Variants in LARGE1 observed in about 807,000 individuals in gnomAD.
LARGE1 encodes LARGE xylosyl- and glucuronyltransferase 1, also known as xylosyl- and glucuronyltransferase LARGE1.
A neutral mutation model predicts 87.6 loss-of-function variants in LARGE1; 43 were observed. The ratio of observed to expected loss-of-function variants is 0.49; its 90% CI spans 0.38 to 0.63. The LOEUF (loss-of-function observed/expected upper bound fraction) is 0.63. LARGE1 is among the 30% of genes least tolerant of loss of function. LARGE1 has a pLI of 0.00. For missense variants in LARGE1, 802 were observed against 1,000.2 expected (o/e 0.80, Z 2.67); for synonymous variants, 434 against 394.6 (o/e 1.10, Z -1.18).
At chr22:33,708,834 C>T (rs1018049674) in intron 2 of LARGE1, among the ~76,000 whole-genome samples, 20 of 152,094 alleles carry the variant, frequency 1.3e-4, no homozygotes, top group Admixed American at 6.5e-5. Flanking sequence ...CTCCTGACCT[C>T]GTGATCCGCC....
intron 11 of LARGE1, among the ~76,000 whole-genome samples, chr22:33,311,420 T>G (rs1935577046): frequency 6.6e-6 from 1 of 152,230 alleles, no homozygotes; most frequent in Non-Finnish European, 1.5e-5. Context: ...AACATGTTTG[T>G]TCTACTTGTT....
chr22:33,075,595 G>A, the LARGE1 span, among the ~76,000 whole-genome samples: 3 of 152,178 alleles, frequency 2.0e-5, no homozygotes, highest in Admixed American at 6.5e-5. Context: ...TACATAGCTA[G>A]TAGGTGGTAG....
chr22:33,893,888 A>G lies in LARGE1; in HGVS notation c.-83+26107T>C, dbSNP rs1468272892. ...TTATTAAGGCCCGCTGAACGTCACA[A>G]GTCTCACAGGGCACCTCCGCCCCTT... is the stretch of plus-strand genomic sequence containing the variant. On this transcript the variant is annotated intron_variant, in intron 1 of 14. Coordinates refer to ENST00000397394, the MANE Select transcript of LARGE1 (RefSeq NM_133642.5). Among the ~76,000 whole-genome samples, 3 of 152,214 alleles carry G rather than the reference A, an allele frequency of 2.0e-5. No individual in the cohort carries two copies. The East Asian group carries it at 5.8e-4, about 29-fold the overall frequency.
intron 3 of LARGE1, among the ~76,000 whole-genome samples, chr22:33,633,490 T>TG (rs2080171692): frequency 6.6e-6 from 1 of 152,098 alleles, no homozygotes; most frequent in Non-Finnish European, 1.5e-5. Flanking sequence ...CAGATAAATA[T>TG]GGGGAAAAAA....
intron 1 of LARGE1, among the ~76,000 whole-genome samples, chr22:33,819,747 T>C (rs976242627): frequency 1.3e-5 from 2 of 152,168 alleles, no homozygotes; most frequent in East Asian, 1.9e-4. Context: ...CCATAAAAAA[T>C]CTCTGTAACC....
chr22:33,620,445 C>G (rs936562600), intron 4 of LARGE1, among the ~76,000 whole-genome samples: 1 of 152,140 alleles, frequency 6.6e-6, no homozygotes, highest in Non-Finnish European at 1.5e-5. Context: ...GGCATTCCCC[C>G]CAATTTTCCT....
At chr22:33,907,254 G>T (rs1336396245) in intron 1 of LARGE1, among the ~76,000 whole-genome samples, 1 of 152,144 alleles carries the variant, frequency 6.6e-6, no homozygotes, top group East Asian at 1.9e-4. Context: ...GCTTACAAGG[G>T]CAGTGCCATA....
intron 1 of LARGE1, among the ~76,000 whole-genome samples, chr22:33,836,400 C>A (rs993332844): frequency 4.6e-5 from 7 of 152,174 alleles, no homozygotes; most frequent in African/African-American, 1.7e-4. Context: ...ACAGTCCCTG[C>A]CAGAAAACTG....
chr22:33,635,502 C>T (rs1315768181), intron 3 of LARGE1, among the ~76,000 whole-genome samples: 1 of 152,096 alleles, frequency 6.6e-6, no homozygotes, highest in Non-Finnish European at 1.5e-5. Context: ...TGATTTGGGG[C>T]AAATTATCTA....
chr22:33,216,395 G>A (rs1014897217), intron 11 of LARGE1, among the ~76,000 whole-genome samples: 3 of 152,122 alleles, frequency 2.0e-5, no homozygotes, highest in Non-Finnish European at 4.4e-5. Flanking sequence ...TAGGGAGGCC[G>A]AGGCAGGTAG....
the LARGE1 span, among the ~76,000 whole-genome samples, chr22:33,086,322 A>G: frequency 6.6e-6 from 1 of 152,040 alleles, no homozygotes; most frequent in South Asian, 2.1e-4. Flanking sequence ...TACGAGTTCC[A>G]TATTTTAGGT....
At chr22:33,908,641 G>A (rs893587093) in intron 1 of LARGE1, among the ~76,000 whole-genome samples, 1 of 152,084 alleles carries the variant, frequency 6.6e-6, no homozygotes, top group Non-Finnish European at 1.5e-5. Flanking sequence ...TTTTCCAGGG[G>A]CTGATGGTGA....
chr22:33,460,022 A>T (rs972512862), intron 6 of LARGE1, among the ~76,000 whole-genome samples: 9 of 152,252 alleles, frequency 5.9e-5, no homozygotes, highest in African/African-American at 2.2e-4. Flanking sequence ...CTACACACAC[A>T]GTGAGACAAT....
Position 33,341,078 on chromosome 22 carries a change from G to A in LARGE1, c.1132-3277C>T, listed in dbSNP as rs564170888. ...TCCCATTCCCCCACAAAATTCACAT[G>A]TGGAAAGCCTAATCGCCAAGGTGAT... is the stretch of plus-strand genomic sequence containing the variant. On this transcript the variant is annotated intron_variant, in intron 9 of 14. Coordinates refer to ENST00000397394, the MANE Select transcript of LARGE1 (RefSeq NM_133642.5). 6.6e-5 allele frequency among the ~76,000 whole-genome samples: 10 copies of A among 152,176 alleles called. No individual in the cohort carries two copies. In the South Asian group the frequency reaches 2.1e-3, roughly 32 times the overall value.
intron 14 of LARGE1, among the ~76,000 whole-genome samples, chr22:33,275,002 C>T (rs1401803873): frequency 6.6e-6 from 1 of 152,154 alleles, no homozygotes; most frequent in Non-Finnish European, 1.5e-5. Flanking sequence ...ATGACACACG[C>T]CATGGGATAT....
intron 5 of LARGE1, among the ~76,000 whole-genome samples, chr22:33,573,190 G>A (rs2078256099): frequency 6.6e-6 from 1 of 152,174 alleles, no homozygotes; most frequent in Non-Finnish European, 1.5e-5. Context: ...TGTAATCCCA[G>A]CACTTTGGTA....
rs144031380 is a variant in LARGE1, at chr22:33,381,785, A to G, written c.1131+134T>C. The G allele has an allele frequency of 1.0e-4, 126 of 1,203,088 alleles. No individual in the cohort carries two copies. The African/African-American group carries it at 1.5e-3, about 14-fold the overall frequency. 74.5% of individuals were successfully genotyped at this position (1,203,088 alleles called of 1,614,324 possible). The stretch of plus-strand genomic sequence containing the variant: ...CCAACACCCCACAAAGATGAAAAGC[A>G]TACTCATTCTGCTCTCCTGTGCCCT... On this transcript the variant is annotated intron_variant, in intron 9 of 14. Transcript: ENST00000397394.
the LARGE1 span, among the ~76,000 whole-genome samples, chr22:33,101,071 C>G: frequency 6.6e-6 from 1 of 152,084 alleles, no homozygotes; most frequent in African/African-American, 2.4e-5. Flanking sequence ...TCTCGAACTC[C>G]TGACCTGAGG....
At chr22:33,713,305 G>A (rs2082796203) in intron 2 of LARGE1, among the ~76,000 whole-genome samples, 1 of 152,142 alleles carries the variant, frequency 6.6e-6, no homozygotes, top group South Asian at 2.1e-4. Context: ...AAAGAAAAAT[G>A]AGAGGGCTGT....
Sources: allele counts gnomAD v4.1 joint callset (sites outside exome capture counted in the v4.1 genomes callset), GRCh38; gene constraint gnomAD v4.1.1; transcripts MANE v1.5; gene names NCBI Gene and HGNC (gene_info 2026-07-23, HGNC 2026-07-21).